PCDH15: variants seen among roughly 807,000 people sequenced by gnomAD.
PCDH15 encodes protocadherin related 15.
In PCDH15, 129 loss-of-function variants were observed where a neutral mutation model predicts 178.5. The ratio of observed to expected loss-of-function variants is 0.72; its 90% CI spans 0.63 to 0.84. The LOEUF is 0.84. Among genes scored for constraint, PCDH15 ranks in the 40% least tolerant of loss-of-function variants. PCDH15 has a pLI of 0.00. For missense variants in PCDH15, 2,230 were observed against 2,099.9 expected, an observed-to-expected ratio of 1.06 and a Z score of -1.21; for synonymous variants, 800 against 732.0, an observed-to-expected ratio of 1.09 and a Z score of -1.50.
At chr10:55,561,414 T>C (rs1842196498) in intron 2 of PCDH15, among the ~76,000 whole-genome samples, 1 of 151,934 alleles carries the variant, frequency 6.6e-6, no homozygotes, top group Admixed American at 6.6e-5. Context: ...AGCTAGAATG[T>C]ATTTATCCAA....
chr10:54,068,890 C>T, intron 17 of PCDH15, among the ~76,000 whole-genome samples: 1 of 152,140 alleles, frequency 6.6e-6, no homozygotes, highest in East Asian at 1.9e-4. Context: ...GATGCACACA[C>T]ACAAACATAC....
chr10:53,811,593 A>T lies in PCDH15; in HGVS notation c.4518T>A (p.Asp1506Glu). The change falls in exon 36 of 38, where the codon GAT becomes GAA. Residue 1506 changes from aspartate to glutamate, a missense_variant. Physicochemically the swap from Asp to Glu is conservative, Grantham distance 45. Transcript: ENST00000644397. ...AATCTTGTCCATATTCCTGGCCAGG[A>T]TCAATTCCAGACTCCATGGATAATT... ...PEELSMESGI[D>E]PGQEYGQDYY... 2 of 1,570,294 alleles carry T rather than the reference A, an allele frequency of 1.3e-6. No homozygotes were observed. Among genetic ancestry groups the T allele is most frequent in the South Asian group, 1.2e-5 (1 of 81,268 alleles).
At chr10:55,038,734 C>T (rs1012916226) in intron 2 of PCDH15, among the ~76,000 whole-genome samples, 9 of 151,910 alleles carry the variant, frequency 5.9e-5, no homozygotes, top group African/African-American at 2.2e-4. Context: ...GGTGGTGAAA[C>T]CTGAAACTTT....
At chr10:54,999,704 G>A (rs571747825) in intron 2 of PCDH15, among the ~76,000 whole-genome samples, 36 of 152,282 alleles carry the variant, frequency 2.4e-4, no homozygotes, top group East Asian at 7.8e-4. Context: ...GAGCGATATC[G>A]GGGAAAATTC....
chr10:54,746,508 G>C (rs1945480309), intron 1 of PCDH15, among the ~76,000 whole-genome samples: 1 of 152,074 alleles, frequency 6.6e-6, no homozygotes, highest in African/African-American at 2.4e-5. Context: ...AGTGCTTGAG[G>C]TGGTGATTAC....
intron 2 of PCDH15, among the ~76,000 whole-genome samples, chr10:55,513,566 A>G (rs1426086865): frequency 2.0e-5 from 3 of 152,272 alleles, no homozygotes; most frequent in Non-Finnish European, 4.4e-5. Flanking sequence ...AACAATGTAC[A>G]TAAGTTATTT....
At position 54,706,323 on chromosome 10, in the gene PCDH15, GA is replaced by G. The variant is rs2095364295; in HGVS notation, c.-28-42034del. On this transcript the variant is annotated intron_variant, in intron 1 of 37. Coordinates refer to ENST00000644397, the MANE Select transcript of PCDH15 (RefSeq NM_001384140.1). ...CACTTTTAGCTATAACTCAACCCTAGAAAAGTACTGTTAGAAATCAAATATA... is the reference window on the plus strand; with the variant it reads ...CACTTTTAGCTATAACTCAACCCTAGAAAGTACTGTTAGAAATCAAATATA... 2.6e-5 allele frequency among the ~76,000 whole-genome samples: 4 copies of G among 152,008 alleles called. No homozygotes were observed. The South Asian group carries it at 8.3e-4, about 31-fold the overall frequency.
chr10:54,642,895 G>A (rs1367045643), intron 2 of PCDH15, among the ~76,000 whole-genome samples: 1 of 152,048 alleles, frequency 6.6e-6, no homozygotes, highest in Non-Finnish European at 1.5e-5. Context: ...ACTCTCCAAT[G>A]TAAAGAAGGC....
At chr10:54,338,988 C>A (rs2134040079) in intron 6 of PCDH15, among the ~76,000 whole-genome samples, 1 of 152,190 alleles carries the variant, frequency 6.6e-6, no homozygotes, top group African/African-American at 2.4e-5. Context: ...AAGACAAATT[C>A]TCAAAAATGA....
chr10:53,865,532 T>C (rs1589151299), intron 27 of PCDH15, among the ~76,000 whole-genome samples: 1 of 152,206 alleles, frequency 6.6e-6, no homozygotes, highest in Admixed American at 6.5e-5. Context: ...CACATGTTCT[T>C]ATTCATATGT....
chr10:55,129,706 A>G (rs1319131388), intron 2 of PCDH15, among the ~76,000 whole-genome samples: 1 of 152,104 alleles, frequency 6.6e-6, no homozygotes, highest in African/African-American at 2.4e-5. Context: ...GGTTGATTTT[A>G]TTAAACACTA....
At chr10:55,186,761 A>G (rs928083155) in intron 1 of PCDH15, among the ~76,000 whole-genome samples, 15 of 128,582 alleles carry the variant, frequency 1.2e-4, no homozygotes, top group African/African-American at 3.3e-4. Flanking sequence ...GTGTGTGTGT[A>G]TTTTTTTTTC....
chr10:53,969,638 C>A (rs1217070503), intron 21 of PCDH15, among the ~76,000 whole-genome samples: 1 of 152,164 alleles, frequency 6.6e-6, no homozygotes, highest in Non-Finnish European at 1.5e-5. Flanking sequence ...AAGGGAAGCC[C>A]ATCAGACTAA....
At chr10:54,867,467 T>C (rs1953961042) in intron 3 of PCDH15, among the ~76,000 whole-genome samples, 1 of 152,134 alleles carries the variant, frequency 6.6e-6, no homozygotes, top group Non-Finnish European at 1.5e-5. Context: ...CTTGACATTA[T>C]CAACATCATT....
At chr10:54,629,247 G>A in intron 2 of PCDH15, among the ~76,000 whole-genome samples, 1 of 152,162 alleles carries the variant, frequency 6.6e-6, no homozygotes, top group Non-Finnish European at 1.5e-5. Context: ...TAATATTTGT[G>A]AGTGTTACAT....
chr10:55,530,854 C>A (rs1841436771), intron 2 of PCDH15, among the ~76,000 whole-genome samples: 1 of 151,920 alleles, frequency 6.6e-6, no homozygotes, highest in Admixed American at 6.6e-5. Context: ...TGTTGTAGGT[C>A]TGGCAGTGGA....
At chr10:55,442,468 TA>T (rs979046847) in intron 2 of PCDH15, among the ~76,000 whole-genome samples, 56 of 48,894 alleles carry the variant, frequency 1.1e-3, no homozygotes, top group Middle Eastern at 8.6e-3. Context: ...TATATATATA[TA>T]TTATATATAT....
chr10:54,313,675 A>G (rs573880887), intron 8 of PCDH15, among the ~76,000 whole-genome samples: 71 of 138,438 alleles, frequency 5.1e-4, no homozygotes, highest in African/African-American at 1.6e-3. Flanking sequence ...TATATTCAAC[A>G]CATGCAACCA....
intron 11 of PCDH15, among the ~76,000 whole-genome samples, chr10:54,191,669 A>G (rs1375792506): frequency 6.6e-6 from 1 of 151,306 alleles, no homozygotes; most frequent in East Asian, 1.9e-4. Flanking sequence ...TGTAAACCCG[A>G]GCAAGGTGGG....
Sources: allele counts gnomAD v4.1 joint callset (sites outside exome capture counted in the v4.1 genomes callset), GRCh38; gene constraint gnomAD v4.1.1; transcripts MANE v1.5; gene names NCBI Gene and HGNC (gene_info 2026-07-23, HGNC 2026-07-21).